DCC: variants seen among roughly 807,000 people sequenced by gnomAD.
DCC encodes the protein DCC netrin 1 receptor.
A neutral mutation model predicts 172.5 loss-of-function variants in DCC; 58 were observed. The observed-to-expected ratio is 0.34, with a 90% CI of 0.27 to 0.42. DCC has a LOEUF of 0.42. DCC is among the 10% of genes least tolerant of loss of function. The probability of loss-of-function intolerance (pLI) is 1.00; values close to 1 mark genes in which losing one functional copy is unlikely to be tolerated. For missense variants in DCC, 1,740 were observed against 1,791.0 expected (o/e 0.97, Z 0.51); for synonymous variants, 709 against 644.5 (o/e 1.10, Z -1.52).
At chr18:52,818,797 A>G (rs544462957) in intron 2 of DCC, among the ~76,000 whole-genome samples, 60 of 152,226 alleles carry the variant, frequency 3.9e-4, no homozygotes, top group Non-Finnish European at 6.9e-4. Context: ...ATAAATTGAA[A>G]GAGTAATGGG....
chr18:53,167,510 A>T (rs4939724), intron 8 of DCC, among the ~76,000 whole-genome samples: 63,953 of 152,008 alleles, frequency 0.42, 14,236 homozygotes, highest in East Asian at 0.71. Flanking sequence ...GGATGGAACA[A>T]GGAATAGAAT....
chr18:53,138,893 C>T (rs2043788784), intron 7 of DCC, among the ~76,000 whole-genome samples: 1 of 152,114 alleles, frequency 6.6e-6, no homozygotes, highest in Non-Finnish European at 1.5e-5. Context: ...ACTTAGCACG[C>T]AATATTCACT....
intron 12 of DCC, among the ~76,000 whole-genome samples, chr18:53,290,067 G>T (rs1021065127): frequency 1.3e-5 from 2 of 152,170 alleles, no homozygotes; most frequent in African/African-American, 4.8e-5. Flanking sequence ...TGAAAGCATT[G>T]TATATGACAC....
At chr18:52,495,880 T>C (rs1010206253) in intron 1 of DCC, among the ~76,000 whole-genome samples, 1 of 152,022 alleles carries the variant, frequency 6.6e-6, no homozygotes, top group East Asian at 1.9e-4. Flanking sequence ...GGCTGTCCGA[T>C]GCAATCTTGG....
intron 1 of DCC, among the ~76,000 whole-genome samples, chr18:52,745,844 G>A (rs760884759): frequency 2.0e-5 from 3 of 152,120 alleles, no homozygotes; most frequent in Non-Finnish European, 2.9e-5. Flanking sequence ...AACATTGTGC[G>A]TTTTCAGCAG....
intron 3 of DCC, among the ~76,000 whole-genome samples, chr18:52,913,749 G>C (rs1046485133): frequency 6.6e-6 from 1 of 151,970 alleles, no homozygotes; most frequent in African/African-American, 2.4e-5. Context: ...ATATTTAACA[G>C]CCCTAGGTGG....
In DCC at chr18:52,925,215, C is replaced by T. The variant is rs1198982895; in HGVS notation, c.849-19C>T. 6.2e-7 allele frequency: 1 copy of T among 1,610,438 alleles called. No individual in the cohort carries two copies. The highest frequency in any genetic ancestry group is 8.5e-7 in the Non-Finnish European group (1 of 1,177,224). On this transcript the variant is annotated intron_variant, in intron 4 of 28. Coordinates refer to ENST00000442544, the MANE Select transcript of DCC (RefSeq NM_005215.4). ...TATACATATGTTAATTTACTCTGCACCTTCCCTATGTCTTGCAGGTCTAAA... is the reference window on the plus strand; with the variant it reads ...TATACATATGTTAATTTACTCTGCATCTTCCCTATGTCTTGCAGGTCTAAA...
chr18:52,847,654 C>T (rs1483642161), intron 2 of DCC, among the ~76,000 whole-genome samples: 2 of 152,120 alleles, frequency 1.3e-5, no homozygotes, highest in East Asian at 1.9e-4. Flanking sequence ...TGGGTCAATT[C>T]TTCAATTGAG....
chr18:52,584,528 A>C (rs1458503142), intron 1 of DCC, among the ~76,000 whole-genome samples: 2 of 152,178 alleles, frequency 1.3e-5, no homozygotes, highest in Admixed American at 6.5e-5. Context: ...AGCATAGTGC[A>C]GTGGTTTAGA....
chr18:52,700,134 C>T (rs749607402), intron 1 of DCC, among the ~76,000 whole-genome samples: 7 of 152,096 alleles, frequency 4.6e-5, no homozygotes, highest in East Asian at 1.9e-4. Context: ...TGCGCTCTCT[C>T]GCTCTCTTGC....
At chr18:52,507,209 T>C (rs1048234679) in intron 1 of DCC, among the ~76,000 whole-genome samples, 3 of 152,196 alleles carry the variant, frequency 2.0e-5, no homozygotes, top group Admixed American at 1.3e-4. Flanking sequence ...CTTGTTATTA[T>C]TATTAATGTG....
At chr18:53,036,761 T>C (rs117718030) in intron 5 of DCC, among the ~76,000 whole-genome samples, 1 of 151,938 alleles carries the variant, frequency 6.6e-6, no homozygotes, top group African/African-American at 2.4e-5. Context: ...AAAGCAGAAA[T>C]TGAAATGGAA....
chr18:52,517,215 C>G (rs1042549494), intron 1 of DCC, among the ~76,000 whole-genome samples: 1 of 152,150 alleles, frequency 6.6e-6, no homozygotes, highest in Non-Finnish European at 1.5e-5. Flanking sequence ...CATATCTGTT[C>G]TAGATGAAAT....
intron 12 of DCC, among the ~76,000 whole-genome samples, chr18:53,261,795 G>A (rs982742237): frequency 1.2e-4 from 18 of 152,154 alleles, no homozygotes; most frequent in South Asian, 2.1e-4. Context: ...CACTGCGACC[G>A]GCCATTTATG....
At chr18:53,174,262 T>A (rs2055056429) in intron 8 of DCC, among the ~76,000 whole-genome samples, 1 of 140,296 alleles carries the variant, frequency 7.1e-6, no homozygotes, top group Non-Finnish European at 1.5e-5. Flanking sequence ...ACATCACAAT[T>A]AAAAGAACTA....
At chr18:52,975,453 A>C (rs1260628237) in intron 5 of DCC, among the ~76,000 whole-genome samples, 1 of 152,160 alleles carries the variant, frequency 6.6e-6, no homozygotes, top group Non-Finnish European at 1.5e-5. Flanking sequence ...TGATTATTTC[A>C]TCACAGCTAT....
chr18:53,274,417 T>A (rs1209822626), intron 12 of DCC, among the ~76,000 whole-genome samples: 1 of 152,152 alleles, frequency 6.6e-6, no homozygotes, highest in Non-Finnish European at 1.5e-5. Flanking sequence ...TAAGCAGGGT[T>A]TTTATGTAAA....
At position 53,069,360 on chromosome 18, in the gene DCC, G is replaced by A. The variant is rs142790502; in HGVS notation, c.1261+3194G>A. ...CAACATTAAGAAGAAGCTCTATTTC[G>A]ACCCTTGAGAAGAACAAGGGTGTCA... On this transcript the variant is annotated intron_variant, in intron 7 of 28. Coordinates refer to ENST00000442544, the MANE Select transcript of DCC (RefSeq NM_005215.4). Among the ~76,000 whole-genome samples the A allele has an allele frequency of 3.1e-3, 468 of 152,222 alleles. 2 individuals carry two copies. In the Middle Eastern group the frequency reaches 0.037, roughly 12 times the overall value.
At chr18:53,438,391 T>A (rs546247520) in intron 22 of DCC, among the ~76,000 whole-genome samples, 1 of 152,188 alleles carries the variant, frequency 6.6e-6, no homozygotes, top group Non-Finnish European at 1.5e-5. Context: ...CCAAAAGGAC[T>A]CCAGTATTGG....
Sources: gnomAD v4.1 joint callset for allele counts (sites outside exome capture counted in the v4.1 genomes callset) on GRCh38, gnomAD v4.1.1 for gene constraint, MANE v1.5 for transcripts, NCBI Gene and HGNC (gene_info 2026-07-23, HGNC 2026-07-21) for gene names.